PLEKHS1: variants seen among roughly 807,000 people sequenced by gnomAD.
PLEKHS1 encodes pleckstrin homology domain containing S1.
In PLEKHS1, 55 loss-of-function variants were observed where a neutral mutation model predicts 51.0. The observed-to-expected ratio is 1.08, with a 90% CI of 0.87 to 1.35. The LOEUF (loss-of-function observed/expected upper bound fraction) is 1.35, where lower values mean the gene tolerates loss of function less well. Ranked by LOEUF, PLEKHS1 falls within the 40% of genes most tolerant of loss-of-function variation. The pLI, the probability that PLEKHS1 is intolerant of heterozygous loss-of-function variation, is 0.00. For missense variants in PLEKHS1, 398 were observed against 423.0 expected, an observed-to-expected ratio of 0.94 and a Z score of 0.52; for synonymous variants, 153 against 144.8, an observed-to-expected ratio of 1.06 and a Z score of -0.41.
At chr10:113,755,360 C>T (rs957349010) in intron 2 of PLEKHS1, 55 bp downstream of exon 2, 98 of 1,584,608 alleles carry the variant, frequency 6.2e-5, no homozygotes, top group Non-Finnish European at 7.7e-5. Flanking sequence ...AAATGCCCCA[C>T]GGTTTCCTTC....
intron 1 of PLEKHS1, among the ~76,000 whole-genome samples, chr10:113,753,230 AG>A (rs1274135326): frequency 6.6e-6 from 1 of 152,150 alleles, no homozygotes; most frequent in Non-Finnish European, 1.5e-5. Flanking sequence ...GGCGTGGCCA[AG>A]TCCTATAAAC....
chr10:113,773,155 T>C (rs1291006606), intron 8 of PLEKHS1, among the ~76,000 whole-genome samples: 6 of 152,198 alleles, frequency 3.9e-5, no homozygotes, highest in Admixed American at 2.0e-4. Flanking sequence ...ACAAGCTTCT[T>C]AGCAGAATTC....
exon 11 of PLEKHS1, chr10:113,775,817 C>T: frequency 6.2e-7 from 1 of 1,613,098 alleles, no homozygotes; most frequent in Non-Finnish European, 8.5e-7. Flanking sequence ...CCTTTCTCCT[C>T]CTGATGTCAT....
At chr10:113,754,189 G>A (rs1220266262) in intron 1 of PLEKHS1, among the ~76,000 whole-genome samples, 2 of 152,158 alleles carry the variant, frequency 1.3e-5, no homozygotes, top group East Asian at 3.9e-4. Flanking sequence ...CTACATGTTA[G>A]GAAGGAAGAA....
rs774676383 is a variant in PLEKHS1, at chr10:113,780,802, G to A, written c.*200G>A. The A allele has an allele frequency of 1.2e-5, 18 of 1,536,966 alleles. No individual in the cohort carries two copies. In the South Asian group the frequency reaches 1.9e-4, roughly 16 times the overall value. On this transcript the variant is annotated 3_prime_UTR_variant, in exon 12 of 12. Coordinates refer to ENST00000361048, the Ensembl canonical transcript of PLEKHS1. ...AGTAACGCACCCCAGACCCATGGCA[G>A]CAGAACCAGGATGGAGCTGGGACTG...
intron 7 of PLEKHS1, among the ~76,000 whole-genome samples, 173 bp downstream of exon 7, chr10:113,770,073 G>A (rs1844336951): frequency 6.6e-6 from 1 of 152,200 alleles, no homozygotes; most frequent in Admixed American, 6.5e-5. Context: ...GAGCCTCACT[G>A]AGGGCTTGCC....
chr10:113,767,386 T>C (rs772171711), exon 5 of PLEKHS1: 7 of 1,610,686 alleles, frequency 4.3e-6, no homozygotes, highest in Admixed American at 1.7e-5. Flanking sequence ...CAGGAAAAGA[T>C]GCAATCTGTG....
At chr10:113,782,913 A>G (rs1023354395), downstream of PLEKHS1, 3 of 152,204 alleles carry the variant, frequency 2.0e-5, no homozygotes, top group African/African-American at 7.2e-5. Flanking sequence ...CATGTAAAAA[A>G]AGTAGTTTAC....
intron 10 of PLEKHS1, among the ~76,000 whole-genome samples, chr10:113,775,248 G>A (rs1844597562): frequency 6.6e-6 from 1 of 151,776 alleles, no homozygotes; most frequent in Non-Finnish European, 1.5e-5. Flanking sequence ...GCGGGGGGTG[G>A]CATTTTCAGC....
chr10:113,776,838 A>G (rs942962048), intron 11 of PLEKHS1, among the ~76,000 whole-genome samples: 5 of 152,236 alleles, frequency 3.3e-5, no homozygotes, highest in African/African-American at 9.6e-5. Flanking sequence ...CAAATCAGGT[A>G]CTCACACAAT....
chr10:113,767,149 C>A (rs1844200056), intron 4 of PLEKHS1, among the ~76,000 whole-genome samples, 196 bp from the exon 5 acceptor site: 1 of 152,110 alleles, frequency 6.6e-6, no homozygotes, highest in Non-Finnish European at 1.5e-5. Context: ...ATTTTTGAAT[C>A]TTAGGCTAAA....
chr10:113,760,837 T>C (rs1409007653), intron 2 of PLEKHS1, among the ~76,000 whole-genome samples: 3 of 152,200 alleles, frequency 2.0e-5, no homozygotes, highest in African/African-American at 7.2e-5. Context: ...TTATCTTTTT[T>C]GTTTGTTGCT....
At chr10:113,774,434 A>T (rs1844557169) in intron 9 of PLEKHS1, 101 bp downstream of exon 9, 6 of 709,144 alleles carry the variant, frequency 8.5e-6, no homozygotes, top group Non-Finnish European at 1.2e-5. Context: ...GATGCCAAAC[A>T]TTACCAGAGA....
intron 2 of PLEKHS1, 106 bp downstream of exon 2, chr10:113,755,411 T>C (rs990806839): frequency 2.1e-6 from 3 of 1,444,174 alleles, no homozygotes; most frequent in South Asian, 2.9e-5. Context: ...TTTGTGTATG[T>C]TGTTTTGTTT....
chr10:113,777,432 A>G (rs773631390), intron 11 of PLEKHS1, 173 bp downstream of exon 12: 7 of 1,607,498 alleles, frequency 4.4e-6, no homozygotes, highest in Non-Finnish European at 5.9e-6. Context: ...ATTCTTTCAT[A>G]TCAAGTAGCA....
chr10:113,756,341 A>G (rs1055518886), intron 2 of PLEKHS1, among the ~76,000 whole-genome samples: 19 of 152,100 alleles, frequency 1.2e-4, no homozygotes, highest in African/African-American at 3.4e-4. Context: ...TGCGCCTGTA[A>G]TCCCAGCTAA....
At position 113,766,503 on chromosome 10, in the gene PLEKHS1, A is replaced by G; in HGVS notation, c.117+4A>G. On this transcript the variant is annotated splice_donor_region_variant and intron_variant, in intron 3 of 11. Coordinates refer to ENST00000361048, the Ensembl canonical transcript of PLEKHS1. ...TTCTCAGCTGTTCTCCTCTGTGGTAAGTATTTGCTGTGATTTAACAAGCCT... is the reference window on the plus strand; with the variant it reads ...TTCTCAGCTGTTCTCCTCTGTGGTAGGTATTTGCTGTGATTTAACAAGCCT... The G allele has an allele frequency of 1.3e-6, 2 of 1,598,686 alleles. No homozygotes were observed. The highest frequency in any genetic ancestry group is 1.7e-6 in the Non-Finnish European group (2 of 1,167,216).
At chr10:113,760,591 T>C (rs1163493619) in intron 2 of PLEKHS1, among the ~76,000 whole-genome samples, 1 of 152,248 alleles carries the variant, frequency 6.6e-6, no homozygotes, top group Non-Finnish European at 1.5e-5. Context: ...CTTGTGCTTA[T>C]TGGCTATTTG....
intron 2 of PLEKHS1, among the ~76,000 whole-genome samples, chr10:113,764,545 G>A (rs1844079311): frequency 6.6e-6 from 1 of 151,910 alleles, no homozygotes; most frequent in South Asian, 2.1e-4. Flanking sequence ...TGCTGGTTTT[G>A]AACAATTGAG....
Sources: gnomAD v4.1 joint callset for allele counts (sites outside exome capture counted in the v4.1 genomes callset) on GRCh38, gnomAD v4.1.1 for gene constraint, MANE v1.5 for transcripts, NCBI Gene and HGNC (gene_info 2026-07-23, HGNC 2026-07-21) for gene names.